DIAPH2: variants seen among roughly 807,000 people sequenced by gnomAD.
DIAPH2 encodes protein diaphanous homolog 2.
DIAPH2 carries 35 observed loss-of-function variants against 92.7 expected under a neutral mutation model. The observed-to-expected ratio is 0.38, with a 90% CI of 0.29 to 0.50. The LOEUF is 0.50. Among genes scored for constraint, DIAPH2 ranks in the 20% least tolerant of loss-of-function variants. DIAPH2 has a pLI of 0.94. For missense variants in DIAPH2, 701 were observed against 819.5 expected (o/e 0.86, Z 1.77); for synonymous variants, 301 against 280.4 (o/e 1.07, Z -0.73).
chrX:97,047,979 G>T (rs979130972), intron 17 of DIAPH2, among the ~76,000 whole-genome samples: 1 of 109,952 alleles, frequency 9.1e-6, no homozygotes, highest in African/African-American at 3.3e-5. Flanking sequence ...TATTAAATAG[G>T]TATTCAAATG....
intron 4 of DIAPH2, among the ~76,000 whole-genome samples, chrX:96,818,165 G>C (rs767471486): frequency 7.8e-4 from 68 of 87,741 alleles, no homozygotes; most frequent in African/African-American, 3.1e-3. Context: ...ATTTTTAGTA[G>C]AGACGGGGTT....
intron 26 of DIAPH2, among the ~76,000 whole-genome samples, chrX:97,582,476 T>C (rs2147880552): frequency 9.1e-6 from 1 of 110,237 alleles, no homozygotes; most frequent in East Asian, 2.9e-4. Context: ...AATTCTTTTC[T>C]TTCTTTAAGA....
intron 22 of DIAPH2, among the ~76,000 whole-genome samples, chrX:97,227,115 A>C (rs2067971437): frequency 9.0e-6 from 1 of 110,568 alleles, no homozygotes; most frequent in African/African-American, 3.3e-5. Flanking sequence ...TACTAAAAGT[A>C]TTTTTAAAAA....
At chrX:97,146,751 T>C (rs1478060098) in intron 22 of DIAPH2, among the ~76,000 whole-genome samples, 1 of 112,019 alleles carries the variant, frequency 8.9e-6, no homozygotes, top group Non-Finnish European at 1.9e-5. Context: ...TCTAGACCTC[T>C]GTAGCTCAAA....
At chrX:97,568,950 T>G (rs191899905) in intron 26 of DIAPH2, among the ~76,000 whole-genome samples, 1 of 111,608 alleles carries the variant, frequency 9.0e-6, no homozygotes, top group East Asian at 2.8e-4. Context: ...TCTCTTCGAG[T>G]TCTAAAGACC....
chrX:97,048,158 A>G (rs764353057), intron 17 of DIAPH2, among the ~76,000 whole-genome samples: 1 of 109,858 alleles, frequency 9.1e-6, no homozygotes, highest in Non-Finnish European at 1.9e-5. Context: ...ACCCTACTCA[A>G]CTACTGTTAA....
At chrX:96,696,515 G>C (rs2063826206) in intron 1 of DIAPH2, among the ~76,000 whole-genome samples, 1 of 112,243 alleles carries the variant, frequency 8.9e-6, no homozygotes. Context: ...GAATTAGGCT[G>C]AATGCTAAAG....
At chrX:97,250,939 A>AAAAAAC (rs745485170) in intron 23 of DIAPH2, among the ~76,000 whole-genome samples, 1 of 111,804 alleles carries the variant, frequency 8.9e-6, no homozygotes, top group East Asian at 2.8e-4. Flanking sequence ...AAACATAGAC[A>AAAAAAC]AAAAACAAAA....
intron 23 of DIAPH2, among the ~76,000 whole-genome samples, chrX:97,267,029 A>T (rs145627877): frequency 8.9e-6 from 1 of 112,180 alleles, no homozygotes; most frequent in East Asian, 2.8e-4. Flanking sequence ...AGTACAGCTA[A>T]CCTACAAGAA....
At position 97,017,807 on chromosome X, in the gene DIAPH2, C is replaced by G. The variant is rs1269291065; in HGVS notation, c.2050+52600C>G. Reference sequence around the variant, plus strand: ...CCTGACTGCCCTTTTTTCCCAATTACTGGCACAATCTTCATGAAATCCAAA... The same window carrying G: ...CCTGACTGCCCTTTTTTCCCAATTAGTGGCACAATCTTCATGAAATCCAAA... On this transcript the variant is annotated intron_variant, in intron 17 of 26. Transcript: ENST00000324765. Among the ~76,000 whole-genome samples, 3 of 111,759 alleles carry G rather than the reference C, an allele frequency of 2.7e-5. No homozygotes were observed. The Admixed American group carries it at 2.9e-4, about 11-fold the overall frequency.
chrX:97,189,099 TGAG>T (rs770315229), intron 22 of DIAPH2, among the ~76,000 whole-genome samples: 1 of 111,235 alleles, frequency 9.0e-6, no homozygotes, highest in Non-Finnish European at 1.9e-5. Flanking sequence ...TAGCTGAAAA[TGAG>T]GAGGATGGGA....
chrX:96,765,630 A>C (rs1282265851), intron 4 of DIAPH2, among the ~76,000 whole-genome samples: 1 of 111,831 alleles, frequency 8.9e-6, no homozygotes, highest in Non-Finnish European at 1.9e-5. Flanking sequence ...CTATATTTAG[A>C]GTTTCAAAAC....
At chrX:97,302,731 T>A (rs2068717369) in intron 23 of DIAPH2, among the ~76,000 whole-genome samples, 1 of 110,799 alleles carries the variant, frequency 9.0e-6, no homozygotes, top group Admixed American at 9.6e-5. Flanking sequence ...CCCAAAGTCA[T>A]CCCAGCACTT....
chrX:97,203,100 T>A (rs751991921), intron 22 of DIAPH2, among the ~76,000 whole-genome samples: 1 of 111,658 alleles, frequency 9.0e-6, no homozygotes, highest in South Asian at 3.8e-4. Flanking sequence ...AAGGCAGAAA[T>A]CAAGAAGTTC....
At chrX:97,017,195 C>T (rs1341254520) in intron 17 of DIAPH2, among the ~76,000 whole-genome samples, 1 of 111,999 alleles carries the variant, frequency 8.9e-6, no homozygotes, top group Non-Finnish European at 1.9e-5. Flanking sequence ...ACTTGATAAT[C>T]ACTAAATATT....
chrX:97,449,072 T>C (rs1194572305), intron 26 of DIAPH2, among the ~76,000 whole-genome samples: 3 of 112,091 alleles, frequency 2.7e-5, no homozygotes, highest in Non-Finnish European at 5.6e-5. Context: ...TCCTGACATT[T>C]GCTATGTTAA....
chrX:96,883,724 T>C (rs2065236412), intron 5 of DIAPH2, among the ~76,000 whole-genome samples: 1 of 110,376 alleles, frequency 9.1e-6, no homozygotes, highest in Non-Finnish European at 1.9e-5. Flanking sequence ...GGGACGTGAG[T>C]TCTTGAGAAC....
At chrX:96,792,211 C>T (rs2064507058) in intron 4 of DIAPH2, among the ~76,000 whole-genome samples, 1 of 111,928 alleles carries the variant, frequency 8.9e-6, no homozygotes, top group Admixed American at 9.5e-5. Context: ...TTACAGATCT[C>T]TATATGGTTT....
chrX:96,992,819 C>T (rs184039007), intron 17 of DIAPH2, among the ~76,000 whole-genome samples: 70 of 111,572 alleles, frequency 6.3e-4, no homozygotes, highest in African/African-American at 2.2e-3. Flanking sequence ...AGAAGGTGTT[C>T]AAAGGGCAGA....
Sources: allele counts gnomAD v4.1 joint callset (sites outside exome capture counted in the v4.1 genomes callset), GRCh38; gene constraint gnomAD v4.1.1; transcripts MANE v1.5; gene names NCBI Gene and HGNC (gene_info 2026-07-23, HGNC 2026-07-21).